The following CCDC171 variants were observed in gnomAD, a reference collection of about 807,000 sequenced individuals.
CCDC171 encodes the protein coiled-coil domain-containing protein 171.
CCDC171 carries 177 observed loss-of-function variants against 168.2 expected under a neutral mutation model. The observed-to-expected ratio is 1.05, with a 90% CI of 0.93 to 1.19. CCDC171 has a LOEUF of 1.19. CCDC171 is among the 50% of genes most tolerant of loss of function. The pLI is 0.00. For synonymous variants in CCDC171, 687 were observed against 540.8 expected, an observed-to-expected ratio of 1.27 and a Z score of -3.75; for missense variants, 1,991 against 1,539.0, an observed-to-expected ratio of 1.29 and a Z score of -4.91.
chr9:15,629,981 A>G (rs1470795925), intron 7 of CCDC171, among the ~76,000 whole-genome samples: 3 of 152,228 alleles, frequency 2.0e-5, no homozygotes, highest in East Asian at 1.9e-4. Context: ...AAATGCTGAG[A>G]GATTTTGTCA....
chr9:15,879,914 A>G (rs1464649459), intron 24 of CCDC171, among the ~76,000 whole-genome samples: 1 of 152,184 alleles, frequency 6.6e-6, no homozygotes, highest in Non-Finnish European at 1.5e-5. Flanking sequence ...AAAAGATAAG[A>G]TGGTTCCACT....
intron 22 of CCDC171, among the ~76,000 whole-genome samples, chr9:15,847,805 A>G (rs1489020340): frequency 6.6e-6 from 1 of 152,088 alleles, no homozygotes; most frequent in Non-Finnish European, 1.5e-5. Flanking sequence ...GATATTCATA[A>G]GCTTTGCCAC....
At chr9:15,745,759 G>C (rs1357804274) in intron 18 of CCDC171, 128 bp downstream of exon 18, 1 of 509,744 alleles carries the variant, frequency 2.0e-6, no homozygotes, top group South Asian at 4.2e-5. Context: ...ATTTTATTCA[G>C]TCATAGAGAG....
At chr9:15,650,011 C>A (rs7022384) in intron 7 of CCDC171, among the ~76,000 whole-genome samples, 68,585 of 151,588 alleles carry the variant, frequency 0.45, 15,769 homozygotes, top group Non-Finnish European at 0.5. Flanking sequence ...AATGTCCAAC[C>A]ATGATAGACT....
At chr9:15,764,332 A>G (rs1274264995) in intron 18 of CCDC171, among the ~76,000 whole-genome samples, 12 of 152,242 alleles carry the variant, frequency 7.9e-5, no homozygotes, top group Admixed American at 7.9e-4. Context: ...GACTTCTATC[A>G]GTAGTTAAAG....
the CCDC171 span, among the ~76,000 whole-genome samples, chr9:16,098,858 G>A: frequency 6.6e-6 from 1 of 152,182 alleles, no homozygotes. Flanking sequence ...AGCAATGATG[G>A]TACAGTGTGC....
intron 6 of CCDC171, among the ~76,000 whole-genome samples, chr9:15,596,917 A>G (rs2042415793): frequency 6.6e-6 from 1 of 152,086 alleles, no homozygotes; most frequent in African/African-American, 2.4e-5. Context: ...ATTGTGAATG[A>G]GAGTTCACTG....
At chr9:15,683,489 T>A (rs1048586335) in intron 10 of CCDC171, among the ~76,000 whole-genome samples, 1 of 152,072 alleles carries the variant, frequency 6.6e-6, no homozygotes, top group African/African-American at 2.4e-5. Flanking sequence ...TTGATTCTTG[T>A]TTTTCACCAA....
At chr9:16,029,389 G>A (rs1312813289) in intron 6 of CCDC171, among the ~76,000 whole-genome samples, 1 of 152,210 alleles carries the variant, frequency 6.6e-6, no homozygotes, top group Non-Finnish European at 1.5e-5. Context: ...TTGGGTCAGG[G>A]ATGGTAAATA....
In CCDC171 at chr9:15,579,007, C is replaced by G; in HGVS notation, c.336C>G (p.Ile112Met). The G allele has an allele frequency of 6.2e-7, 1 of 1,613,244 alleles. No individual in the cohort carries two copies. The highest frequency in any genetic ancestry group is 1.7e-4 in the Middle Eastern group (1 of 6,056). Residue 112 changes from isoleucine (I) to methionine (M), a missense_variant, in exon 4 of 26, where the codon ATC becomes ATG. Physicochemically the swap from Ile to Met is conservative, Grantham distance 10. Coordinates refer to ENST00000380701, the MANE Select transcript of CCDC171 (RefSeq NM_173550.4). The part of the protein sequence containing the change: ...AEERLAEAHR[I>M]QEKLCAQNSE... ...AAAGATTAGCCGAGGCACATAGGAT[C>G]CAAGAAAAACTCTGTGGTAAGACTG...
chr9:15,702,075 C>A (rs913774191), intron 11 of CCDC171, among the ~76,000 whole-genome samples: 1 of 152,164 alleles, frequency 6.6e-6, no homozygotes. Flanking sequence ...CATTAATCTC[C>A]TTATACATCT....
chr9:15,920,449 A>G (rs902200340), intron 25 of CCDC171, 27 bp downstream of exon 25: 3 of 1,535,050 alleles, frequency 2.0e-6, no homozygotes, highest in African/African-American at 1.4e-5. Flanking sequence ...CAATATTTTT[A>G]TAACTTTTTG....
intron 3 of CCDC171, among the ~76,000 whole-genome samples, chr9:15,575,527 C>G (rs899340397): frequency 1.3e-5 from 2 of 152,126 alleles, no homozygotes; most frequent in African/African-American, 4.8e-5. Flanking sequence ...AATCAGTAGG[C>G]TTTATGGCTT....
intron 24 of CCDC171, among the ~76,000 whole-genome samples, chr9:15,910,286 A>G (rs1823427946): frequency 6.6e-6 from 1 of 152,186 alleles, no homozygotes; most frequent in South Asian, 2.1e-4. Context: ...TACAACAGAC[A>G]TATGAATGCA....
At chr9:15,716,168 A>G in intron 11 of CCDC171, among the ~76,000 whole-genome samples, 1 of 152,178 alleles carries the variant, frequency 6.6e-6, no homozygotes, top group East Asian at 1.9e-4. Flanking sequence ...TAGATACCTT[A>G]TATTAAGCAC....
intron 11 of CCDC171, among the ~76,000 whole-genome samples, chr9:15,704,392 C>A (rs148086864): frequency 6.6e-6 from 1 of 152,108 alleles, no homozygotes; most frequent in African/African-American, 2.4e-5. Context: ...ATTCTGTTAT[C>A]TTGGGAAGAA....
intron 23 of CCDC171, among the ~76,000 whole-genome samples, chr9:15,860,961 T>TGTGTGTGTGTGTGA (rs1472834545): frequency 2.3e-4 from 35 of 151,558 alleles, no homozygotes; most frequent in African/African-American, 7.5e-4. Context: ...TGTGTGTGTG[T>TGTGTGTGTGTGTGA]GATAATTGTT....
intron 3 of CCDC171, among the ~76,000 whole-genome samples, chr9:16,004,665 T>C (rs1397319220): frequency 6.6e-6 from 1 of 152,218 alleles, no homozygotes; most frequent in Non-Finnish European, 1.5e-5. Flanking sequence ...CACCGCCACA[T>C]ATTTCTACTA....
chr9:15,868,752 G>T (rs577747378), intron 23 of CCDC171, among the ~76,000 whole-genome samples: 2 of 152,022 alleles, frequency 1.3e-5, no homozygotes, highest in Non-Finnish European at 2.9e-5. Context: ...ATTGTTTGGC[G>T]CTAAGAGCAC....
Sources: allele counts gnomAD v4.1 joint callset (sites outside exome capture counted in the v4.1 genomes callset), GRCh38; gene constraint gnomAD v4.1.1; transcripts MANE v1.5; gene names NCBI Gene and HGNC (gene_info 2026-07-23, HGNC 2026-07-21).